Variants in OSBPL3 observed in about 807,000 individuals in gnomAD.
OSBPL3 encodes oxysterol binding protein like 3, also known as oxysterol-binding protein-related protein 3.
Under a neutral mutation model 120.1 loss-of-function variants are expected in OSBPL3, and 65 were observed. The ratio of observed to expected loss-of-function variants is 0.54; its 90% CI spans 0.44 to 0.67. The LOEUF is 0.67. OSBPL3 is among the 30% of genes least tolerant of loss of function. The pLI is 0.00. For synonymous variants in OSBPL3, 416 were observed against 402.6 expected, an observed-to-expected ratio of 1.03 and a Z score of -0.40; for missense variants, 1,004 against 1,082.1, an observed-to-expected ratio of 0.93 and a Z score of 1.01.
intron 1 of OSBPL3, among the ~76,000 whole-genome samples, chr7:24,927,528 A>G (rs1811212153): frequency 6.6e-6 from 1 of 152,190 alleles, no homozygotes; most frequent in East Asian, 1.9e-4. Context: ...TAATAACTGA[A>G]GCTCTCAATG....
chr7:24,916,429 T>C lies in OSBPL3; in HGVS notation c.-149-23808A>G, dbSNP rs1809556770. Among the ~76,000 whole-genome samples, 1 of 152,120 alleles carries C rather than the reference T, an allele frequency of 6.6e-6. No individual in the cohort carries two copies. Among genetic ancestry groups the C allele is most frequent in the South Asian group, 2.1e-4 (1 of 4,822 alleles). ...AATATTTTACTTTCTCCTTTGAACT[T>C]TTTTTTCTTTTGCCTAATTTTTTTT... On this transcript the variant is annotated intron_variant, in intron 1 of 22. Coordinates refer to ENST00000313367, the MANE Select transcript of OSBPL3 (RefSeq NM_015550.4). The surrounding 1 kb of genome is among the most constrained non-coding windows in gnomAD (Gnocchi z 4.9).
intron 10 of OSBPL3, among the ~76,000 whole-genome samples, chr7:24,856,834 C>A (rs1562834904): frequency 6.6e-6 from 1 of 152,336 alleles, no homozygotes; most frequent in East Asian, 1.9e-4. Flanking sequence ...CTGGGACACT[C>A]TGATCTTCTG....
At position 24,808,588 on chromosome 7, in the gene OSBPL3, C is replaced by A. The variant is rs372187243; in HGVS notation, c.2317+1219G>T. On this transcript the variant is annotated intron_variant, in intron 20 of 22. Coordinates refer to ENST00000313367, the MANE Select transcript of OSBPL3 (RefSeq NM_015550.4). The surrounding 1 kb of genome is among the most constrained non-coding windows in gnomAD (Gnocchi z 4.6). ...CTGGTGCCAATTCATTCTAACTTCACGGCAACCTCTGCAACAGTGGGAGAT... is the reference window on the plus strand; with the variant it reads ...CTGGTGCCAATTCATTCTAACTTCAAGGCAACCTCTGCAACAGTGGGAGAT... 6.6e-6 allele frequency among the ~76,000 whole-genome samples: 1 copy of A among 152,192 alleles called. No homozygotes were observed. Among genetic ancestry groups the A allele is most frequent in the Non-Finnish European group, 1.5e-5 (1 of 68,034 alleles).
At position 24,879,343 on chromosome 7, in the gene OSBPL3, T is replaced by C. The variant is rs1452551082; in HGVS notation, c.97-7274A>G. The stretch of plus-strand genomic sequence containing the variant: ...TTAAAGAAAACAGGAGACTGAGCAA[T>C]GAAGCTCCCACTTGGGTTCTGATGA... On this transcript the variant is annotated intron_variant, in intron 2 of 22. Transcript: ENST00000313367. This position sits in a 1 kb window ranked among gnomAD's most constrained non-coding sequence, Gnocchi z 5.6. 1.3e-5 allele frequency among the ~76,000 whole-genome samples: 2 copies of C among 152,216 alleles called. No homozygotes were observed. The highest frequency in any genetic ancestry group is 4.8e-5 in the African/African-American group (2 of 41,450).
In OSBPL3 at chr7:24,938,132, C is replaced by T. The variant is rs1464695566; in HGVS notation, c.-150+41754G>A. ...CCCGCCAAAACTGGTATGTTGAAAC[C>T]TAATCACCAACCTGATGGTATTAGG... On this transcript the variant is annotated intron_variant, in intron 1 of 22. Transcript: ENST00000313367. This position sits in a 1 kb window ranked among gnomAD's most constrained non-coding sequence, Gnocchi z 5.8. Among the ~76,000 whole-genome samples the T allele has an allele frequency of 6.6e-6, 1 of 152,222 alleles. No homozygotes were observed. The highest frequency in any genetic ancestry group is 1.5e-5 in the Non-Finnish European group (1 of 68,038).
intron 1 of OSBPL3, among the ~76,000 whole-genome samples, chr7:24,905,693 T>A (rs1414443142): frequency 6.6e-6 from 1 of 152,150 alleles, no homozygotes; most frequent in African/African-American, 2.4e-5. Context: ...AACTATTCTC[T>A]TTGATAGGAA....
chr7:24,870,893 A>C (rs1396382104), intron 4 of OSBPL3, 48 bp from the exon 5 acceptor site: 1 of 1,170,148 alleles, frequency 8.5e-7, no homozygotes, highest in Non-Finnish European at 1.3e-6. Context: ...TGTTAGAAGC[A>C]GTAGTCACAT....
At chr7:24,882,948 T>C (rs1298911496) in intron 2 of OSBPL3, among the ~76,000 whole-genome samples, 1 of 152,242 alleles carries the variant, frequency 6.6e-6, no homozygotes, top group African/African-American at 2.4e-5. Context: ...GTTGAGCTGT[T>C]TGAGTTCCTT....
In OSBPL3 at chr7:24,854,954, T is replaced by C. The variant is rs954659922; in HGVS notation, c.1028-2320A>G. ...TACCGATGAAGGAGACACATGAGGA[T>C]GAAAGTGATGGTGACTGCAGTCTCT... On this transcript the variant is annotated intron_variant, in intron 10 of 22. Coordinates refer to ENST00000313367, the MANE Select transcript of OSBPL3 (RefSeq NM_015550.4). The surrounding 1 kb of genome is among the most constrained non-coding windows in gnomAD (Gnocchi z 4.1). Among the ~76,000 whole-genome samples, 10 of 152,214 alleles carry C rather than the reference T, an allele frequency of 6.6e-5. No homozygotes were observed. The highest frequency in any genetic ancestry group is 2.4e-4 in the African/African-American group (10 of 41,454).
At position 24,830,944 on chromosome 7, in the gene OSBPL3, A is replaced by T. The variant is rs758771200; in HGVS notation, c.1747-39T>A. ...AAAAGAACTTTGTCATTTCCGTGTCACCAAGAGCTTTATTGTTCACAAAGA... is the reference window on the plus strand; with the variant it reads ...AAAAGAACTTTGTCATTTCCGTGTCTCCAAGAGCTTTATTGTTCACAAAGA... On this transcript the variant is annotated intron_variant, in intron 15 of 22. Transcript: ENST00000313367. The surrounding 1 kb of genome is among the most constrained non-coding windows in gnomAD (Gnocchi z 4.4). 2 of 1,555,836 alleles carry T rather than the reference A, an allele frequency of 1.3e-6. No individual in the cohort carries two copies. The highest frequency in any genetic ancestry group is 1.7e-6 in the Non-Finnish European group (2 of 1,156,132).
rs1261137535 is a variant in OSBPL3, at chr7:24,867,820, T to A, written c.382-1583A>T. On this transcript the variant is annotated intron_variant, in intron 5 of 22. Transcript: ENST00000313367. The surrounding 1 kb of genome is among the most constrained non-coding windows in gnomAD (Gnocchi z 4.5). ...TCAGAAATAAAGCACTATACAGCAA[T>A]AGTATTATTTTTCTAACTTTTATTA... Among the ~76,000 whole-genome samples, 2 of 152,148 alleles carry A rather than the reference T, an allele frequency of 1.3e-5. No individual in the cohort carries two copies. The highest frequency in any genetic ancestry group is 2.9e-5 in the Non-Finnish European group (2 of 68,020).
chr7:24,932,995 G>A lies in OSBPL3; in HGVS notation c.-149-40374C>T, dbSNP rs1446620727. 6.6e-6 allele frequency among the ~76,000 whole-genome samples: 1 copy of A among 152,192 alleles called. No homozygotes were observed. On this transcript the variant is annotated intron_variant, in intron 1 of 22. Transcript: ENST00000313367. This position sits in a 1 kb window ranked among gnomAD's most constrained non-coding sequence, Gnocchi z 5.6. ...TTCCTCCATATTCAAATTCCACACCGGACCTGATGCTGCTGCACCAACTCC... is the reference window on the plus strand; with the variant it reads ...TTCCTCCATATTCAAATTCCACACCAGACCTGATGCTGCTGCACCAACTCC...
intron 16 of OSBPL3, among the ~76,000 whole-genome samples, chr7:24,826,395 G>A (rs1431988920): frequency 1.3e-5 from 2 of 152,156 alleles, no homozygotes; most frequent in Admixed American, 6.5e-5. Context: ...CCTACCACAG[G>A]AGTGGAGAAC....
chr7:24,944,219 T>C (rs1368889697), intron 1 of OSBPL3, among the ~76,000 whole-genome samples: 2 of 152,214 alleles, frequency 1.3e-5, no homozygotes, highest in Non-Finnish European at 2.9e-5. Flanking sequence ...CTGTAACACC[T>C]CCTAAAGTTA....
intron 20 of OSBPL3, among the ~76,000 whole-genome samples, chr7:24,807,954 G>C (rs527891588): frequency 4.6e-5 from 7 of 152,118 alleles, no homozygotes; most frequent in Non-Finnish European, 1.0e-4. Flanking sequence ...CTGGAGGACA[G>C]TGACACGATC....
Position 24,928,473 on chromosome 7 carries a change from C to G in OSBPL3, c.-149-35852G>C, listed in dbSNP as rs565368337. ...CCCAAAGTGCTAGGATTACAGGCAT[C>G]AGCCACCGTGCCCGGCCACCTCTTG... On this transcript the variant is annotated intron_variant, in intron 1 of 22. Coordinates refer to ENST00000313367, the MANE Select transcript of OSBPL3 (RefSeq NM_015550.4). Among the ~76,000 whole-genome samples, 335 of 152,238 alleles carry G rather than the reference C, an allele frequency of 2.2e-3. 1 individual carries two copies. The highest frequency in any genetic ancestry group is 4.4e-3 in the South Asian group (21 of 4,824).
intron 2 of OSBPL3, among the ~76,000 whole-genome samples, chr7:24,888,129 C>G (rs1476033280): frequency 6.6e-6 from 1 of 151,956 alleles, no homozygotes; most frequent in Non-Finnish European, 1.5e-5. Context: ...AGTGGATACA[C>G]GTATGATACT....
intron 13 of OSBPL3, 106 bp downstream of exon 13, chr7:24,842,173 G>A: frequency 1.7e-6 from 2 of 1,162,632 alleles, no homozygotes; most frequent in East Asian, 4.7e-5. Context: ...ACTACAAAGG[G>A]CAACTGAGTT....
rs1163005058 is a variant in OSBPL3, at chr7:24,972,243, T to TA, written c.-150+7642dup. On this transcript the variant is annotated intron_variant, in intron 1 of 22. Transcript: ENST00000313367. This position sits in a 1 kb window ranked among gnomAD's most constrained non-coding sequence, Gnocchi z 4.3. ...CAAAACCTCAAATCAAAAGAGGAGT[T>TA]AAGGCCTCCTCCCACTCAGTTCTAC... Among the ~76,000 whole-genome samples, 3 of 152,196 alleles carry TA rather than the reference T, an allele frequency of 2.0e-5. No homozygotes were observed. The highest frequency in any genetic ancestry group is 7.2e-5 in the African/African-American group (3 of 41,444).
Sources: allele counts gnomAD v4.1 joint callset (sites outside exome capture counted in the v4.1 genomes callset), GRCh38; gene constraint gnomAD v4.1.1; non-coding constraint Gnocchi (gnomAD v3.1); transcripts MANE v1.5; gene names NCBI Gene and HGNC (gene_info 2026-07-23, HGNC 2026-07-21).